Variants in DHDDS observed in about 807,000 individuals in gnomAD.
The protein encoded by DHDDS is dehydrodolichyl diphosphate synthase complex subunit DHDDS.
A neutral mutation model predicts 46.2 loss-of-function variants in DHDDS; 16 were observed. The ratio of observed to expected loss-of-function variants is 0.35; its 90% CI spans 0.23 to 0.53. DHDDS has a LOEUF of 0.53. Ranked by LOEUF, DHDDS falls within the 20% of genes least tolerant of loss-of-function variation. The pLI is 0.94. For synonymous variants in DHDDS, 151 were observed against 163.1 expected (o/e 0.93, Z 0.56); for missense variants, 340 against 423.7 (o/e 0.80, Z 1.73).
chr1:26,466,561 T>G (rs2075489319), intron 8 of DHDDS, among the ~76,000 whole-genome samples: 1 of 152,264 alleles, frequency 6.6e-6, no homozygotes, highest in Non-Finnish European at 1.5e-5. Context: ...CTCTGCTATC[T>G]GAACAATGAA....
chr1:26,446,816 C>T (rs886950236), intron 5 of DHDDS, among the ~76,000 whole-genome samples: 4 of 152,098 alleles, frequency 2.6e-5, no homozygotes, highest in African/African-American at 9.7e-5. Context: ...CTCCTTTAAC[C>T]TATGGATAGG....
At chr1:26,468,471 G>A (rs1480008804) in intron 8 of DHDDS, among the ~76,000 whole-genome samples, 1 of 152,114 alleles carries the variant, frequency 6.6e-6, no homozygotes, top group Non-Finnish European at 1.5e-5. Context: ...TCCTAGAGAG[G>A]ATTTTGCATA....
intron 8 of DHDDS, among the ~76,000 whole-genome samples, chr1:26,468,305 G>T (rs1272971318): frequency 6.6e-6 from 1 of 152,156 alleles, no homozygotes; most frequent in Non-Finnish European, 1.5e-5. Flanking sequence ...ATAGCCTAGG[G>T]AGTGGGGAGG....
chr1:26,452,053 G>A (rs933036883), intron 6 of DHDDS, among the ~76,000 whole-genome samples: 4 of 151,336 alleles, frequency 2.6e-5, no homozygotes, highest in African/African-American at 4.9e-5. Context: ...GGCCTGTTTC[G>A]TTTTGTTTTT....
intron 2 of DHDDS, among the ~76,000 whole-genome samples, chr1:26,435,893 A>G (rs1224921149): frequency 1.3e-5 from 2 of 152,072 alleles, no homozygotes; most frequent in Non-Finnish European, 2.9e-5. Context: ...GATTACAGGC[A>G]TGAGCCACTG....
At chr1:26,438,855 C>T (rs2075188270) in intron 3 of DHDDS, 1 of 162,752 alleles carries the variant, frequency 6.1e-6, no homozygotes, top group African/African-American at 2.4e-5. Context: ...TCATCCAATC[C>T]TTATTGTATG....
At chr1:26,454,812 A>AC in intron 6 of DHDDS, 6 of 1,580,500 alleles carry the variant, frequency 3.8e-6, no homozygotes, top group Middle Eastern at 2.3e-4. Context: ...GTCCAGCGGC[A>AC]CATCTTAGGT....
chr1:26,466,149 T>C (rs1281434004), intron 8 of DHDDS: 3 of 152,138 alleles, frequency 2.0e-5, no homozygotes, highest in African/African-American at 7.2e-5. Flanking sequence ...TGCACCAAGA[T>C]TGGATAAGGT....
chr1:26,458,641 G>A (rs970048860), intron 7 of DHDDS, among the ~76,000 whole-genome samples: 1 of 151,770 alleles, frequency 6.6e-6, no homozygotes, highest in Non-Finnish European at 1.5e-5. Flanking sequence ...AGGTGAATGA[G>A]GTGGGAGAAT....
At chr1:26,434,510 G>A (rs1389873373) in intron 2 of DHDDS, among the ~76,000 whole-genome samples, 1 of 152,206 alleles carries the variant, frequency 6.6e-6, no homozygotes, top group Non-Finnish European at 1.5e-5. Context: ...GGCTGTATGT[G>A]AGACAGAAGT....
At chr1:26,457,276 T>C (rs9328728) in intron 6 of DHDDS, among the ~76,000 whole-genome samples, 45,586 of 146,016 alleles carry the variant, frequency 0.31, 8,313 homozygotes, top group East Asian at 0.72. Flanking sequence ...CTGGCTAACA[T>C]GGTGAAACCC....
chr1:26,450,601 A>T (rs1221350572), intron 6 of DHDDS, among the ~76,000 whole-genome samples: 3 of 152,260 alleles, frequency 2.0e-5, no homozygotes, highest in African/African-American at 7.2e-5. Flanking sequence ...ACATAAGCCA[A>T]GAAAAGAGGG....
chr1:26,468,835 C>T (rs866343705), intron 8 of DHDDS, 60 bp from the exon 9 acceptor site: 72 of 1,604,906 alleles, frequency 4.5e-5, no homozygotes, highest in South Asian at 2.1e-4. Flanking sequence ...CTCCTCCATC[C>T]CAGTTTCACC....
intron 2 of DHDDS, among the ~76,000 whole-genome samples, chr1:26,433,972 G>T (rs2075128835): frequency 6.6e-6 from 1 of 152,132 alleles, no homozygotes; most frequent in Non-Finnish European, 1.5e-5. Context: ...GACCTCAGGT[G>T]ATCCACCTAT....
rs970147808 is a variant in DHDDS, at chr1:26,469,349, A to G, written c.*218A>G. ...TTGAGGGTGAAAGTCTCCCACGAGT[A>G]CACTAAACCTAGGTCTGGTCACCAA... On this transcript the variant is annotated 3_prime_UTR_variant, in exon 9 of 9. Coordinates refer to ENST00000236342, the MANE Select transcript of DHDDS (RefSeq NM_205861.3). The G allele has an allele frequency of 1.3e-6, 1 of 792,452 alleles. No homozygotes were observed. Among genetic ancestry groups the G allele is most frequent in the African/African-American group, 1.7e-5 (1 of 58,066 alleles). The allele number at this position is 792,452 out of a possible 1,614,324, so 49.1% of individuals were successfully genotyped here. A position where few individuals can be genotyped will look rare whatever the true frequency, so the allele number is the denominator to read the frequency against.
At chr1:26,468,835 C>A in intron 8 of DHDDS, 60 bp from the exon 9 acceptor site, 1 of 1,605,010 alleles carries the variant, frequency 6.2e-7, no homozygotes, top group Non-Finnish European at 8.5e-7. Flanking sequence ...CTCCTCCATC[C>A]CAGTTTCACC....
chr1:26,453,537 G>A (rs1481937287), intron 6 of DHDDS, among the ~76,000 whole-genome samples: 3 of 152,100 alleles, frequency 2.0e-5, no homozygotes, highest in Non-Finnish European at 2.9e-5. Context: ...AGGTTGGATC[G>A]CTTGAGCTCA....
rs2075118494 is a variant in DHDDS at position 26,432,965 on chromosome 1, G to A, written c.20G>A (p.Gly7Glu). 3 of 1,614,216 alleles carry A rather than the reference G, an allele frequency of 1.9e-6. No homozygotes were observed. The highest frequency in any genetic ancestry group is 2.5e-6 in the Non-Finnish European group (3 of 1,180,048). MSWIKE[G>E]ELSLWERFCA... ...AGAACTATGTCATGGATCAAGGAAG[G>A]AGAGCTGTCACTTTGGGAGCGGTTC... Residue 7 changes from glycine to glutamate, a missense_variant, in exon 2 of 9, where the codon GGA becomes GAA. Gly to Glu is a moderately conservative substitution (Grantham distance 98, BLOSUM62 -2). Coordinates refer to ENST00000236342, the MANE Select transcript of DHDDS (RefSeq NM_205861.3).
At chr1:26,437,548 G>A (rs1315567565) in intron 2 of DHDDS, among the ~76,000 whole-genome samples, 1 of 151,610 alleles carries the variant, frequency 6.6e-6, no homozygotes, top group African/African-American at 2.4e-5. Context: ...TCAACTGACT[G>A]CAACCTCCAC....
Sources: gnomAD v4.1 joint callset for allele counts (sites outside exome capture counted in the v4.1 genomes callset) on GRCh38, gnomAD v4.1.1 for gene constraint, MANE v1.5 for transcripts, NCBI Gene and HGNC (gene_info 2026-07-23, HGNC 2026-07-21) for gene names.